The following CNTN6 variants were observed in gnomAD, a reference collection of about 807,000 sequenced individuals.
The protein encoded by CNTN6 is contactin-6.
Under a neutral mutation model 122.8 loss-of-function variants are expected in CNTN6, and 137 were observed. The observed-to-expected ratio is 1.12, with a 90% CI of 0.97 to 1.29. CNTN6 has a LOEUF of 1.29. Among genes scored for constraint, CNTN6 ranks in the 50% most tolerant of loss-of-function variants. The pLI is 0.00. For missense variants in CNTN6, 1,634 were observed against 1,223.4 expected (o/e 1.34, Z -5.01); for synonymous variants, 570 against 426.0 (o/e 1.34, Z -4.16).
At chr3:1,251,845 T>G (rs1489579570) in intron 4 of CNTN6, among the ~76,000 whole-genome samples, 1 of 152,098 alleles carries the variant, frequency 6.6e-6, no homozygotes, top group Non-Finnish European at 1.5e-5. Flanking sequence ...TTAATATAAT[T>G]TATGTTATAA....
At chr3:1,243,822 C>T (rs1054966638) in intron 4 of CNTN6, among the ~76,000 whole-genome samples, 3 of 151,886 alleles carry the variant, frequency 2.0e-5, no homozygotes. Context: ...CTGGGTCTGG[C>T]AATGAGCAGC....
intron 5 of CNTN6, 41 bp from the exon 6 acceptor site, chr3:1,295,560 G>C: frequency 1.3e-5 from 20 of 1,527,052 alleles, no homozygotes; most frequent in Non-Finnish European, 1.8e-5. Context: ...AGTAAGGACA[G>C]TATGGTTTTG....
chr3:1,319,035 G>C lies in CNTN6; in HGVS notation c.762-2615G>C, dbSNP rs567336378. Among the ~76,000 whole-genome samples, 4 of 151,686 alleles carry C rather than the reference G, an allele frequency of 2.6e-5. No homozygotes were observed. The East Asian group carries it at 7.8e-4, about 30-fold the overall frequency. ...ATCAAAGGGAAAAAATGCTTGTCCA[G>C]TAAGACTTTAATGTTGTCACTGAGT... On this transcript the variant is annotated intron_variant, in intron 7 of 22. Coordinates refer to ENST00000446702, the MANE Select transcript of CNTN6 (RefSeq NM_001289080.2).
At chr3:1,231,885 G>T (rs184622918) in intron 4 of CNTN6, among the ~76,000 whole-genome samples, 1 of 152,306 alleles carries the variant, frequency 6.6e-6, no homozygotes, top group Non-Finnish European at 1.5e-5. Flanking sequence ...ATTCTTGAAT[G>T]ATAAAACTAG....
rs138120441 is a variant in CNTN6 at position 1,140,097 on chromosome 3, G to C, written c.-82-7830G>C. 2.0e-3 allele frequency among the ~76,000 whole-genome samples: 308 copies of C among 152,244 alleles called. 2 individuals are homozygous for C. The East Asian group carries it at 0.026, about 13-fold the overall frequency. ...GCCAAGTTGTATTCTCCCTGACTGT[G>C]GAAAGTCTAGCAAACTTAGATTTGT... On this transcript the variant is annotated intron_variant, in intron 1 of 22. Transcript: ENST00000446702.
At chr3:1,328,752 G>C (rs530395551) in intron 10 of CNTN6, among the ~76,000 whole-genome samples, 1 of 151,776 alleles carries the variant, frequency 6.6e-6, no homozygotes, top group Middle Eastern at 3.4e-3. Flanking sequence ...AGAAGCAAGA[G>C]AGCATGGCAT....
intron 1 of CNTN6, among the ~76,000 whole-genome samples, chr3:1,129,207 A>G (rs1195667973): frequency 2.6e-5 from 4 of 152,192 alleles, no homozygotes; most frequent in East Asian, 3.9e-4. Context: ...GAGAACATCT[A>G]TATGACAGTA....
intron 5 of CNTN6, 118 bp downstream of exon 5, chr3:1,278,626 G>A (rs780855056): frequency 1.1e-4 from 65 of 605,052 alleles, no homozygotes; most frequent in African/African-American, 6.0e-4. Context: ...TGTGACTCTC[G>A]TCAAGTGCAT....
At chr3:1,127,595 C>G (rs1023535576) in intron 1 of CNTN6, among the ~76,000 whole-genome samples, 9 of 151,718 alleles carry the variant, frequency 5.9e-5, no homozygotes, top group African/African-American at 1.9e-4. Flanking sequence ...CCAGAAGAAG[C>G]CTGTGAAGTC....
intron 3 of CNTN6, among the ~76,000 whole-genome samples, chr3:1,224,548 C>A (rs1207545802): frequency 6.6e-6 from 1 of 151,542 alleles, no homozygotes; most frequent in African/African-American, 2.4e-5. Flanking sequence ...TATGTGCAAT[C>A]ATTATTTGTC....
chr3:1,381,174 A>T (rs1324639251), intron 17 of CNTN6, among the ~76,000 whole-genome samples: 1 of 152,232 alleles, frequency 6.6e-6, no homozygotes, highest in East Asian at 1.9e-4. Flanking sequence ...CATCGTGATT[A>T]AATCCGAGAT....
chr3:1,157,354 A>G (rs1375129766), intron 2 of CNTN6, among the ~76,000 whole-genome samples: 1 of 152,026 alleles, frequency 6.6e-6, no homozygotes, highest in African/African-American at 2.4e-5. Flanking sequence ...AGTAGCTAGG[A>G]TTACAGGCAT....
At chr3:1,209,049 C>T (rs982591730) in intron 2 of CNTN6, among the ~76,000 whole-genome samples, 3 of 152,048 alleles carry the variant, frequency 2.0e-5, no homozygotes, top group Admixed American at 1.3e-4. Context: ...CTAAAGAGAT[C>T]AACAGAATGT....
At chr3:1,316,434 T>A (rs1350927761) in intron 7 of CNTN6, among the ~76,000 whole-genome samples, 1 of 151,734 alleles carries the variant, frequency 6.6e-6, no homozygotes, top group Non-Finnish European at 1.5e-5. Context: ...TACACACCTT[T>A]AAACAACCAT....
At chr3:1,341,236 G>C (rs560296691) in intron 11 of CNTN6, among the ~76,000 whole-genome samples, 1 of 149,404 alleles carries the variant, frequency 6.7e-6, no homozygotes, top group African/African-American at 2.5e-5. Context: ...ACACATTTTT[G>C]TGTCCTTTGC....
At chr3:1,313,636 A>G (rs1274394656) in intron 7 of CNTN6, among the ~76,000 whole-genome samples, 2 of 152,162 alleles carry the variant, frequency 1.3e-5, no homozygotes, top group East Asian at 3.9e-4. Flanking sequence ...TGCTATTATA[A>G]ACAAACCATT....
At chr3:1,285,631 G>A (rs1694203007) in intron 5 of CNTN6, among the ~76,000 whole-genome samples, 3 of 152,174 alleles carry the variant, frequency 2.0e-5, no homozygotes, top group Admixed American at 1.3e-4. Context: ...TTTACAAATT[G>A]AGTATTGTGT....
chr3:1,378,874 C>G (rs1034065781), intron 17 of CNTN6, among the ~76,000 whole-genome samples: 1 of 152,124 alleles, frequency 6.6e-6, no homozygotes. Context: ...TTGAGTATAT[C>G]TACCTTAAGT....
intron 20 of CNTN6, among the ~76,000 whole-genome samples, chr3:1,391,294 A>G (rs200071079): frequency 1.8e-3 from 197 of 109,872 alleles, no homozygotes; most frequent in South Asian, 3.4e-3. Flanking sequence ...ACAGAGCCAA[A>G]GACAAAAACC....
Sources: gnomAD v4.1 joint callset for allele counts (sites outside exome capture counted in the v4.1 genomes callset) on GRCh38, gnomAD v4.1.1 for gene constraint, MANE v1.5 for transcripts, NCBI Gene and HGNC (gene_info 2026-07-23, HGNC 2026-07-21) for gene names.